The following KIRREL3 variants were observed in gnomAD, a reference collection of about 807,000 sequenced individuals.
KIRREL3 encodes the protein kin of IRRE-like protein 3.
In KIRREL3, 36 loss-of-function variants were observed where a neutral mutation model predicts 89.7. The ratio of observed to expected loss-of-function variants is 0.40; its 90% CI spans 0.31 to 0.53. The LOEUF is 0.53. Among genes scored for constraint, KIRREL3 ranks in the 20% least tolerant of loss-of-function variants. The pLI, the probability that KIRREL3 is intolerant of heterozygous loss-of-function variation, is 0.49. For missense variants in KIRREL3, 864 were observed against 1,056.6 expected (o/e 0.82, Z 2.53); for synonymous variants, 445 against 441.4 (o/e 1.01, Z -0.10).
At position 126,429,139 on chromosome 11, in the gene KIRREL3, T is replaced by C; in HGVS notation, c.1806+40A>G. 1 of 1,319,778 alleles carries C rather than the reference T, an allele frequency of 7.6e-7. No individual in the cohort carries two copies. The highest frequency in any genetic ancestry group is 1.1e-6 in the Non-Finnish European group (1 of 917,918). The allele number at this position is 1,319,778 out of a possible 1,614,324, so 81.8% of individuals were successfully genotyped here. A position where few individuals can be genotyped will look rare whatever the true frequency, so the allele number is the denominator to read the frequency against. On this transcript the variant is annotated intron_variant, in intron 15 of 16. Coordinates refer to ENST00000525144, the MANE Select transcript of KIRREL3 (RefSeq NM_032531.4). The surrounding 1 kb of genome is among the most constrained non-coding windows in gnomAD (Gnocchi z 5.2). ...CTCTAGTCCCAGGACCTTCTGGGAA[T>C]GGAGTCACGGGATGGGATGGGGCGT...
Position 126,905,019 on chromosome 11 carries a change from T to C in KIRREL3, c.55+95436A>G, listed in dbSNP as rs1455048922. 6.6e-6 allele frequency among the ~76,000 whole-genome samples: 1 copy of C among 152,158 alleles called. No homozygotes were observed. Among genetic ancestry groups the C allele is most frequent in the Non-Finnish European group, 1.5e-5 (1 of 68,022 alleles). ...TCAGATGGGTATTTGTGGCAATGCT[T>C]CAGAGGGGAGAGACATTTCAAGAGA... On this transcript the variant is annotated intron_variant, in intron 1 of 16. Transcript: ENST00000525144. This position sits in a 1 kb window ranked among gnomAD's most constrained non-coding sequence, Gnocchi z 5.0.
intron 2 of KIRREL3, among the ~76,000 whole-genome samples, chr11:126,548,131 C>T (rs1422085478): frequency 6.6e-6 from 1 of 152,178 alleles, no homozygotes; most frequent in Non-Finnish European, 1.5e-5. Flanking sequence ...TTCCCACCTC[C>T]AGTCCTCCAC....
rs1948270825 is a variant in KIRREL3 at position 126,723,766 on chromosome 11, A to G, written c.56-160854T>C. Among the ~76,000 whole-genome samples the G allele has an allele frequency of 6.6e-6, 1 of 152,246 alleles. No homozygotes were observed. On this transcript the variant is annotated intron_variant, in intron 1 of 16. Transcript: ENST00000525144. The surrounding 1 kb of genome is among the most constrained non-coding windows in gnomAD (Gnocchi z 4.0). Reference sequence around the variant, plus strand: ...TGATACAATATGAAAAGAGAAGGGAAGAAGGAAAGATGGAAGGAAAAGACT... The same window carrying G: ...TGATACAATATGAAAAGAGAAGGGAGGAAGGAAAGATGGAAGGAAAAGACT...
chr11:126,705,655 C>T lies in KIRREL3; in HGVS notation c.56-142743G>A, dbSNP rs930459690. On this transcript the variant is annotated intron_variant, in intron 1 of 16. Coordinates refer to ENST00000525144, the MANE Select transcript of KIRREL3 (RefSeq NM_032531.4). The surrounding 1 kb of genome is among the most constrained non-coding windows in gnomAD (Gnocchi z 4.3). ...GTAATGTAAGAATGGTCTAACACTACGTATGTGCAAGTGTATATGTATATG... is the reference window on the plus strand; with the variant it reads ...GTAATGTAAGAATGGTCTAACACTATGTATGTGCAAGTGTATATGTATATG... Among the ~76,000 whole-genome samples, 5 of 152,178 alleles carry T rather than the reference C, an allele frequency of 3.3e-5. No homozygotes were observed. The highest frequency in any genetic ancestry group is 2.1e-4 in the South Asian group (1 of 4,832).
intron 4 of KIRREL3, among the ~76,000 whole-genome samples, chr11:126,493,254 G>A (rs2134343380): frequency 6.6e-6 from 1 of 152,338 alleles, no homozygotes; most frequent in South Asian, 2.1e-4. Context: ...GGGCGCGGTG[G>A]CTCATGCCTG....
At chr11:126,556,373 G>T (rs1479229466) in intron 2 of KIRREL3, among the ~76,000 whole-genome samples, 1 of 152,196 alleles carries the variant, frequency 6.6e-6, no homozygotes, top group South Asian at 2.1e-4. Flanking sequence ...GGGTGCAGAG[G>T]CTCCTGTCTG....
intron 1 of KIRREL3, among the ~76,000 whole-genome samples, chr11:126,693,951 G>A (rs765156542): frequency 1.8e-4 from 28 of 152,070 alleles, no homozygotes; most frequent in Non-Finnish European, 2.9e-4. Context: ...TTGTCTTCTC[G>A]GGCCCTCAAA....
chr11:126,789,437 C>T (rs899244028), intron 1 of KIRREL3, among the ~76,000 whole-genome samples: 4 of 152,184 alleles, frequency 2.6e-5, no homozygotes, highest in Non-Finnish European at 5.9e-5. Context: ...GGACCTCACA[C>T]TCTGTTCTGG....
chr11:126,553,354 C>A lies in KIRREL3; in HGVS notation c.133+9481G>T, dbSNP rs563852990. 6.6e-6 allele frequency among the ~76,000 whole-genome samples: 1 copy of A among 152,102 alleles called. No individual in the cohort carries two copies. The highest frequency in any genetic ancestry group is 1.5e-5 in the Non-Finnish European group (1 of 68,024). ...AGTCAGTGTCTATTCTAGGCAAGAC[C>A]CATTTGTAGACCCGCAGCACCAGTC... On this transcript the variant is annotated intron_variant, in intron 2 of 16. Coordinates refer to ENST00000525144, the MANE Select transcript of KIRREL3 (RefSeq NM_032531.4). This position sits in a 1 kb window ranked among gnomAD's most constrained non-coding sequence, Gnocchi z 4.7.
At chr11:126,573,819 A>T (rs949964985) in intron 1 of KIRREL3, among the ~76,000 whole-genome samples, 5 of 152,322 alleles carry the variant, frequency 3.3e-5, no homozygotes, top group African/African-American at 9.6e-5. Flanking sequence ...AAGAGAGGAA[A>T]GGAATAACAG....
intron 1 of KIRREL3, among the ~76,000 whole-genome samples, chr11:126,887,822 A>G (rs1170288996): frequency 6.6e-6 from 1 of 152,248 alleles, no homozygotes; most frequent in Non-Finnish European, 1.5e-5. Flanking sequence ...AAATGAAGAT[A>G]GGCGTAACCT....
Position 126,441,885 on chromosome 11 carries a change from A to G in KIRREL3, c.1253-1336T>C, listed in dbSNP as rs1391591230. Among the ~76,000 whole-genome samples the G allele has an allele frequency of 6.6e-6, 1 of 152,170 alleles. No homozygotes were observed. Among genetic ancestry groups the G allele is most frequent in the Non-Finnish European group, 1.5e-5 (1 of 68,028 alleles). ...TCCTTCCTAAAAATCCTTCAGCTCC[A>G]ACAGGTCTAGGACCCAAAGAGATGA... On this transcript the variant is annotated intron_variant, in intron 10 of 16. Coordinates refer to ENST00000525144, the MANE Select transcript of KIRREL3 (RefSeq NM_032531.4). The surrounding 1 kb of genome is among the most constrained non-coding windows in gnomAD (Gnocchi z 5.0).
rs148869435 is a variant in KIRREL3, at chr11:126,520,635, T to C, written c.433+680A>G. 3.9e-5 allele frequency among the ~76,000 whole-genome samples: 6 copies of C among 152,096 alleles called. No individual in the cohort carries two copies. Among genetic ancestry groups the C allele is most frequent in the African/African-American group, 9.6e-5 (4 of 41,470 alleles). ...TGAACTCTAAATCAGAACTAGGCGG[T>C]TTAAGAGGTCACCGAGCCCATTCCC... On this transcript the variant is annotated intron_variant, in intron 4 of 16. Transcript: ENST00000525144. The surrounding 1 kb of genome is among the most constrained non-coding windows in gnomAD (Gnocchi z 4.9).
intron 1 of KIRREL3, among the ~76,000 whole-genome samples, chr11:126,592,370 G>A (rs535355983): frequency 3.3e-5 from 5 of 152,042 alleles, no homozygotes; most frequent in African/African-American, 9.7e-5. Context: ...TACTATAAAG[G>A]TACCATTGTT....
Position 126,608,347 on chromosome 11 carries a change from C to T in KIRREL3, c.56-45435G>A, listed in dbSNP as rs1004121562. Among the ~76,000 whole-genome samples the T allele has an allele frequency of 5.3e-5, 8 of 152,188 alleles. No homozygotes were observed. The highest frequency in any genetic ancestry group is 1.2e-4 in the Non-Finnish European group (8 of 68,024). The stretch of plus-strand genomic sequence containing the variant: ...TAGTGCAGGCCCAACTTCTGACTTC[C>T]TGTGCGGGGGCTCCTCCTCTAGCCC... On this transcript the variant is annotated intron_variant, in intron 1 of 16. Transcript: ENST00000525144. The surrounding 1 kb of genome is among the most constrained non-coding windows in gnomAD (Gnocchi z 4.9).
At chr11:126,835,150 T>C (rs1018847837) in intron 1 of KIRREL3, among the ~76,000 whole-genome samples, 2 of 152,202 alleles carry the variant, frequency 1.3e-5, no homozygotes, top group African/African-American at 4.8e-5. Flanking sequence ...TGACACCCCA[T>C]GCAGAAAACA....
chr11:126,789,734 G>C (rs1306505544), intron 1 of KIRREL3, among the ~76,000 whole-genome samples: 1 of 152,154 alleles, frequency 6.6e-6, no homozygotes, highest in African/African-American at 2.4e-5. Flanking sequence ...TATGGAGACA[G>C]GGTACCATGC....
rs1565559317 is a variant in KIRREL3 at position 126,570,110 on chromosome 11, A to G, written c.56-7198T>C. On this transcript the variant is annotated intron_variant, in intron 1 of 16. Transcript: ENST00000525144. This position sits in a 1 kb window ranked among gnomAD's most constrained non-coding sequence, Gnocchi z 6.1. ...AATCCTGACTAGTGCCTGGCCCTGGACCTCCAGGACGAGTGATAAATGTTT... is the reference window on the plus strand; with the variant it reads ...AATCCTGACTAGTGCCTGGCCCTGGGCCTCCAGGACGAGTGATAAATGTTT... Among the ~76,000 whole-genome samples, 1 of 152,036 alleles carries G rather than the reference A, an allele frequency of 6.6e-6. No individual in the cohort carries two copies. Among genetic ancestry groups the G allele is most frequent in the African/African-American group, 2.4e-5 (1 of 41,388 alleles).
rs921032911 is a variant in KIRREL3 at position 126,805,359 on chromosome 11, C to A, written c.55+195096G>T. Among the ~76,000 whole-genome samples the A allele has an allele frequency of 2.0e-5, 3 of 152,118 alleles. No homozygotes were observed. Among genetic ancestry groups the A allele is most frequent in the African/African-American group, 7.2e-5 (3 of 41,418 alleles). On this transcript the variant is annotated intron_variant, in intron 1 of 16. Transcript: ENST00000525144. This position sits in a 1 kb window ranked among gnomAD's most constrained non-coding sequence, Gnocchi z 4.3. ...GAAAGGAGATTACCCTATTACAAGT[C>A]ATACTGGGTGGAGGAGATTTAATTA...
Sources: gnomAD v4.1 joint callset for allele counts (sites outside exome capture counted in the v4.1 genomes callset) on GRCh38, gnomAD v4.1.1 for gene constraint, Gnocchi (gnomAD v3.1) non-coding constraint, MANE v1.5 for transcripts, NCBI Gene and HGNC (gene_info 2026-07-23, HGNC 2026-07-21) for gene names.